DLG2: variants seen among roughly 807,000 people sequenced by gnomAD.
DLG2 encodes disks large homolog 2.
In DLG2, 45 loss-of-function variants were observed where a neutral mutation model predicts 132.5. The ratio of observed to expected loss-of-function variants is 0.34; its 90% CI spans 0.27 to 0.44. DLG2 has a LOEUF of 0.44. DLG2 is among the 20% of genes least tolerant of loss of function. The pLI, the probability that DLG2 is intolerant of heterozygous loss-of-function variation, is 1.00. For missense variants in DLG2, 1,045 were observed against 1,196.9 expected, an observed-to-expected ratio of 0.87 and a Z score of 1.87; for synonymous variants, 424 against 419.6, an observed-to-expected ratio of 1.01 and a Z score of -0.13.
intron 15 of DLG2, among the ~76,000 whole-genome samples, chr11:83,929,778 T>C (rs1222509192): frequency 6.6e-6 from 1 of 152,164 alleles, no homozygotes; most frequent in Non-Finnish European, 1.5e-5. Flanking sequence ...TAAACATTAA[T>C]TTTACGTTCC....
chr11:85,201,654 A>G (rs1258941736), intron 4 of DLG2, among the ~76,000 whole-genome samples: 1 of 152,204 alleles, frequency 6.6e-6, no homozygotes, highest in Non-Finnish European at 1.5e-5. Flanking sequence ...ACTGCAAAGT[A>G]AAATAAATAC....
At chr11:85,598,016 A>AAC (rs11453634) in intron 3 of DLG2, among the ~76,000 whole-genome samples, 2,480 of 151,628 alleles carry the variant, frequency 0.016, 59 homozygotes, top group African/African-American at 0.057. Context: ...TATAAAAAAA[A>AAC]ATATATAAAT....
At chr11:85,212,484 A>C (rs2082316588) in intron 4 of DLG2, among the ~76,000 whole-genome samples, 1 of 152,132 alleles carries the variant, frequency 6.6e-6, no homozygotes, top group African/African-American at 2.4e-5. Context: ...ATCATTGAGG[A>C]CTGACTGTGC....
At chr11:85,432,635 T>G (rs1451931209) in intron 3 of DLG2, among the ~76,000 whole-genome samples, 1 of 151,068 alleles carries the variant, frequency 6.6e-6, no homozygotes, top group Admixed American at 6.6e-5. Flanking sequence ...ACAATGAAAA[T>G]GAACAAACCA....
intron 3 of DLG2, among the ~76,000 whole-genome samples, chr11:85,437,990 C>T (rs2091582059): frequency 2.0e-5 from 3 of 152,184 alleles, no homozygotes; most frequent in Admixed American, 2.0e-4. Flanking sequence ...GTTTATTTGA[C>T]TCTTGGTTCT....
intron 18 of DLG2, among the ~76,000 whole-genome samples, chr11:83,650,187 G>C (rs2069714089): frequency 6.6e-6 from 1 of 152,186 alleles, no homozygotes; most frequent in Non-Finnish European, 1.5e-5. Context: ...CTAATCCCGA[G>C]AACTTGTGAA....
chr11:85,155,297 T>A (rs964174536), intron 4 of DLG2, among the ~76,000 whole-genome samples: 1 of 152,218 alleles, frequency 6.6e-6, no homozygotes, highest in East Asian at 1.9e-4. Flanking sequence ...GTTGATAGTC[T>A]ACTGCTGTTG....
rs2048468606 is a variant in DLG2, at chr11:84,934,508, TTTTTTTGTTTTG to T, written c.357+177141_357+177152del. Among the ~76,000 whole-genome samples the T allele has an allele frequency of 6.4e-5, 5 of 78,258 alleles. 1 individual carries two copies. The highest frequency in any genetic ancestry group is 3.7e-4 in the African/African-American group (5 of 13,512). 51.3% of individuals were successfully genotyped at this position (78,258 alleles called of 152,430 possible). ...TGAATCTGTATGGTCCTGGGTGTTT[TTTTTTTGTTTTG>T]TTTTGTTTTTTTTTTTTTTTTTTTT... is the stretch of plus-strand genomic sequence containing the variant. On this transcript the variant is annotated intron_variant, in intron 6 of 27. Transcript: ENST00000376104.
At chr11:84,841,505 A>G (rs2080684906) in intron 6 of DLG2, among the ~76,000 whole-genome samples, 1 of 152,050 alleles carries the variant, frequency 6.6e-6, no homozygotes, top group African/African-American at 2.4e-5. Context: ...TGATAACATC[A>G]GTATAAATTT....
chr11:84,869,084 T>C (rs1353539350), intron 6 of DLG2, among the ~76,000 whole-genome samples: 3 of 152,230 alleles, frequency 2.0e-5, no homozygotes, highest in Non-Finnish European at 4.4e-5. Context: ...AGGTTCCTAC[T>C]TGCCTATTTG....
rs375301628 is a variant in DLG2 at position 84,397,737 on chromosome 11, C to T, written c.519+136833G>A. On this transcript the variant is annotated intron_variant, in intron 7 of 27. Transcript: ENST00000376104. The stretch of plus-strand genomic sequence containing the variant: ...TTGTTGTGTTACCACAGTTAGCTTG[C>T]ATCACCTCACATACTGCTTTTTAAC... 9.8e-5 allele frequency among the ~76,000 whole-genome samples: 15 copies of T among 152,328 alleles called. No individual in the cohort carries two copies. The South Asian group carries it at 3.1e-3, about 32-fold the overall frequency.
chr11:84,062,643 G>C (rs1463324752), intron 10 of DLG2, among the ~76,000 whole-genome samples: 1 of 152,120 alleles, frequency 6.6e-6, no homozygotes, highest in Non-Finnish European at 1.5e-5. Flanking sequence ...CAAAGTGTTG[G>C]TGAAAACAGG....
At chr11:84,333,718 T>G (rs2098471460) in intron 7 of DLG2, among the ~76,000 whole-genome samples, 1 of 152,216 alleles carries the variant, frequency 6.6e-6, no homozygotes. Flanking sequence ...TGTTCAGTTT[T>G]ACATTTCAGT....
chr11:84,620,298 A>G (rs2099611665), intron 6 of DLG2, among the ~76,000 whole-genome samples: 1 of 151,910 alleles, frequency 6.6e-6, no homozygotes, highest in African/African-American at 2.4e-5. Context: ...AGAATACAAA[A>G]TAATCAACAC....
intron 12 of DLG2, among the ~76,000 whole-genome samples, chr11:83,977,785 C>A (rs2092406419): frequency 6.6e-6 from 1 of 152,066 alleles, no homozygotes; most frequent in Admixed American, 6.6e-5. Context: ...TGTCACTCTT[C>A]TTTGTTTTCT....
intron 6 of DLG2, among the ~76,000 whole-genome samples, chr11:84,967,441 G>A (rs948012541): frequency 6.6e-6 from 1 of 152,008 alleles, no homozygotes; most frequent in African/African-American, 2.4e-5. Flanking sequence ...TTGGGGCAGG[G>A]GCTGACAAAT....
Position 83,457,178 on chromosome 11 carries a change from T to G in DLG2, c.*2640A>C, listed in dbSNP as rs905366027. 2.0e-5 allele frequency: 3 copies of G among 152,632 alleles called. No individual in the cohort carries two copies. The highest frequency in any genetic ancestry group is 2.9e-5 in the Non-Finnish European group (2 of 68,046). 9.5% of individuals were successfully genotyped at this position (152,632 alleles called of 1,614,324 possible). A position where few individuals can be genotyped will look rare whatever the true frequency, so the allele number is the denominator to read the frequency against. ...AGAGAGCTCTGGACAAAGTTTGCAG[T>G]GTTAGCACCAGTCTGGCCCCAGGCT... On this transcript the variant is annotated 3_prime_UTR_variant, in exon 28 of 28. Coordinates refer to ENST00000376104, the MANE Select transcript of DLG2 (RefSeq NM_001142699.3).
intron 3 of DLG2, among the ~76,000 whole-genome samples, chr11:85,478,676 G>C: frequency 6.6e-6 from 1 of 152,078 alleles, no homozygotes. Flanking sequence ...TTGTTGTTAG[G>C]ATTTCATAAT....
chr11:83,464,809 AGT>A (rs2090705382), intron 26 of DLG2, among the ~76,000 whole-genome samples: 1 of 143,650 alleles, frequency 7.0e-6, no homozygotes, highest in African/African-American at 2.5e-5. Flanking sequence ...TATCCCACTG[AGT>A]GTTTACAATA....
Sources: gnomAD v4.1 joint callset for allele counts (sites outside exome capture counted in the v4.1 genomes callset) on GRCh38, gnomAD v4.1.1 for gene constraint, MANE v1.5 for transcripts, NCBI Gene and HGNC (gene_info 2026-07-23, HGNC 2026-07-21) for gene names.